The following LPIN2 variants were observed in gnomAD, a reference collection of about 807,000 sequenced individuals.
LPIN2 encodes phosphatidate phosphatase LPIN2.
A neutral mutation model predicts 111.4 loss-of-function variants in LPIN2; 55 were observed. The observed-to-expected ratio is 0.49, with a 90% CI of 0.40 to 0.62. The LOEUF (loss-of-function observed/expected upper bound fraction) is 0.62, where lower values mean the gene tolerates loss of function less well. Ranked by LOEUF, LPIN2 falls within the 20% of genes least tolerant of loss-of-function variation. The pLI, the probability that LPIN2 is intolerant of heterozygous loss-of-function variation, is 0.00. For synonymous variants in LPIN2, 425 were observed against 414.0 expected (o/e 1.03, Z -0.32); for missense variants, 992 against 1,112.1 (o/e 0.89, Z 1.54).
chr18:2,939,444 T>A, intron 6 of LPIN2, 36 bp downstream of exon 6: 1 of 1,611,884 alleles, frequency 6.2e-7, no homozygotes, highest in Non-Finnish European at 8.5e-7. Context: ...TGTTTAATCA[T>A]TAACACACTT....
chr18:2,960,067 G>A (rs2077684972), intron 2 of LPIN2, among the ~76,000 whole-genome samples: 1 of 152,082 alleles, frequency 6.6e-6, no homozygotes, highest in Admixed American at 6.6e-5. Context: ...GCACTTGGGA[G>A]GCTGAGGCAG....
chr18:2,999,372 G>T (rs534348261), intron 1 of LPIN2, among the ~76,000 whole-genome samples: 1 of 152,082 alleles, frequency 6.6e-6, no homozygotes, highest in East Asian at 1.9e-4. Context: ...CAAAGCGGGC[G>T]GATCACGAGG....
rs983945192 is a variant in LPIN2 at position 2,921,613 on chromosome 18, T to C, written c.2362A>G (p.Ile788Val). 6.2e-7 allele frequency: 1 copy of C among 1,613,824 alleles called. No individual in the cohort carries two copies. The highest frequency in any genetic ancestry group is 1.7e-5 in the Admixed American group (1 of 60,024). The change falls in exon 18 of 20, where the codon ATT (isoleucine) becomes GTT (valine). Residue 788 changes from isoleucine (I) to valine (V), a missense_variant. Physicochemically the swap from Ile to Val is conservative, Grantham distance 29 (BLOSUM62 3). Around this residue, in one of 4 missense-constraint regions of LPIN2, gnomAD observed 185 missense variants for 186.5 expected, o/e 0.99. Transcript: ENST00000677752. The part of the protein sequence containing the change: ...VIEKKPEKFK[I>V]ECLNDIKNLF... ...TTCTTGATATCATTTAGACACTCAA[T>C]TTTGAACTTCTCTGGTTTCTTTTCT...
In LPIN2 at chr18:3,007,142, G is replaced by T. The variant is rs1488523212; in HGVS notation, c.-10+5945C>A. 2.6e-5 allele frequency among the ~76,000 whole-genome samples: 4 copies of T among 152,058 alleles called. No homozygotes were observed. In the South Asian group the frequency reaches 8.3e-4, roughly 31 times the overall value. On this transcript the variant is annotated intron_variant, in intron 1 of 19. Transcript: ENST00000677752. ...ATTGACATTACAGCTATGTCAAATA[G>T]GTACCTATTATATTTAGTTAGTTAT...
At chr18:2,961,291 T>C (rs1379777629) in intron 1 of LPIN2, among the ~76,000 whole-genome samples, 1 of 152,154 alleles carries the variant, frequency 6.6e-6, no homozygotes, top group East Asian at 1.9e-4. Flanking sequence ...AACCAGAGAT[T>C]CATCTTCCAA....
At chr18:2,934,896 A>G (rs2077264470) in intron 7 of LPIN2, among the ~76,000 whole-genome samples, 2 of 152,224 alleles carry the variant, frequency 1.3e-5, no homozygotes, top group Non-Finnish European at 2.9e-5. Context: ...CCTTCTAACT[A>G]CAAAAGGACA....
intron 1 of LPIN2, among the ~76,000 whole-genome samples, chr18:3,009,778 T>C (rs2078571717): frequency 6.6e-6 from 1 of 152,070 alleles, no homozygotes; most frequent in Non-Finnish European, 1.5e-5. Context: ...TAACATAAAC[T>C]GACAAACCTG....
At chr18:2,952,353 G>C (rs974998550) in intron 3 of LPIN2, among the ~76,000 whole-genome samples, 2 of 152,164 alleles carry the variant, frequency 1.3e-5, no homozygotes, top group Non-Finnish European at 2.9e-5. Context: ...TTGGACCTGA[G>C]GGGGAGGTTG....
chr18:2,942,161 T>C (rs1199860103), intron 4 of LPIN2, among the ~76,000 whole-genome samples: 3 of 152,232 alleles, frequency 2.0e-5, no homozygotes, highest in African/African-American at 4.8e-5. Context: ...TGACATGTAA[T>C]AGTTTTTCCA....
Position 2,920,283 on chromosome 18 carries a change from A to T in LPIN2, c.*10T>A, listed in dbSNP as rs2077033407. 6.2e-7 allele frequency: 1 copy of T among 1,614,040 alleles called. No individual in the cohort carries two copies. Among genetic ancestry groups the T allele is most frequent in the Non-Finnish European group, 8.5e-7 (1 of 1,180,016 alleles). On this transcript the variant is annotated 3_prime_UTR_variant, in exon 20 of 20. Transcript: ENST00000677752. ...GGGACCAAGCCCTGCCCACCCACTG[A>T]GGTGCCGCCTCAAGACAGGTCATCC...
chr18:2,950,779 T>C (rs910199462), intron 4 of LPIN2: 26 of 485,520 alleles, frequency 5.4e-5, no homozygotes, highest in Non-Finnish European at 8.2e-5. Flanking sequence ...AAATCACTAA[T>C]TCAGATCTTT....
intron 1 of LPIN2, among the ~76,000 whole-genome samples, chr18:2,984,044 C>G (rs1259947313): frequency 6.6e-6 from 1 of 152,196 alleles, no homozygotes; most frequent in Non-Finnish European, 1.5e-5. Context: ...TCCATTTAAC[C>G]TTCACATTAA....
chr18:2,994,050 G>T (rs1387752534), intron 1 of LPIN2, among the ~76,000 whole-genome samples: 1 of 152,160 alleles, frequency 6.6e-6, no homozygotes, highest in Non-Finnish European at 1.5e-5. Context: ...GTTAAAACAT[G>T]CTCAATCTAG....
intron 1 of LPIN2, among the ~76,000 whole-genome samples, chr18:2,969,867 T>G (rs1381113168): frequency 6.6e-6 from 1 of 152,212 alleles, no homozygotes; most frequent in African/African-American, 2.4e-5. Flanking sequence ...ATTAAGTTTG[T>G]TATGAAGACT....
intron 7 of LPIN2, among the ~76,000 whole-genome samples, chr18:2,936,821 C>T (rs2077292654): frequency 6.6e-6 from 1 of 152,208 alleles, no homozygotes; most frequent in Non-Finnish European, 1.5e-5. Flanking sequence ...CTCAAGTGAT[C>T]TGTCCACCTC....
intron 7 of LPIN2, among the ~76,000 whole-genome samples, chr18:2,936,983 C>G (rs989572001): frequency 2.0e-5 from 3 of 152,146 alleles, no homozygotes; most frequent in African/African-American, 7.2e-5. Flanking sequence ...AAAAACCTAC[C>G]TAATTTAGCC....
intron 1 of LPIN2, among the ~76,000 whole-genome samples, chr18:2,999,906 T>C (rs1186659127): frequency 6.6e-6 from 1 of 151,984 alleles, no homozygotes; most frequent in East Asian, 1.9e-4. Flanking sequence ...AATTAAAAAA[T>C]AGCCAGGCAC....
At chr18:2,994,688 G>T (rs1276341976) in intron 1 of LPIN2, among the ~76,000 whole-genome samples, 1 of 152,102 alleles carries the variant, frequency 6.6e-6, no homozygotes. Flanking sequence ...CTTTGCTTGG[G>T]AGGTGAGGAG....
intron 1 of LPIN2, chr18:2,982,822 AC>A (rs1290388819): frequency 2.4e-6 from 2 of 817,478 alleles, no homozygotes; most frequent in Non-Finnish European, 3.7e-6. Context: ...TATAATCAAA[AC>A]AGAAAGCTGC....
Sources: allele counts gnomAD v4.1 joint callset (sites outside exome capture counted in the v4.1 genomes callset), GRCh38; gene constraint gnomAD v4.1.1; regional missense constraint gnomAD v4.1.1; transcripts MANE v1.5; gene names NCBI Gene and HGNC (gene_info 2026-07-23, HGNC 2026-07-21).